Variants in SCAPER observed in about 807,000 individuals in gnomAD.
The protein encoded by SCAPER is S-phase cyclin A associated protein in the ER, also known as S phase cyclin A-associated protein in the endoplasmic reticulum.
SCAPER carries 98 observed loss-of-function variants against 182.2 expected under a neutral mutation model. The ratio of observed to expected loss-of-function variants is 0.54; its 90% confidence interval spans 0.46 to 0.64. The LOEUF is 0.64. SCAPER is among the 30% of genes least tolerant of loss of function. SCAPER has a pLI of 0.00. For missense variants in SCAPER, 1,432 were observed against 1,690.0 expected, an observed-to-expected ratio of 0.85 and a Z score of 2.68; for synonymous variants, 605 against 564.6, an observed-to-expected ratio of 1.07 and a Z score of -1.01.
At chr15:76,861,947 C>T (rs897726741) in intron 3 of SCAPER, 2 of 152,190 alleles carry the variant, frequency 1.3e-5, no homozygotes, top group Non-Finnish European at 1.5e-5. Flanking sequence ...GGAGAAGTAC[C>T]GAGCTTAGGG....
rs376279472 is a variant in SCAPER, at chr15:76,841,894, G to A, written c.233C>T (p.Thr78Ile). 6.2e-7 allele frequency: 1 copy of A among 1,613,836 alleles called. No homozygotes were observed. The highest frequency in any genetic ancestry group is 8.5e-7 in the Non-Finnish European group (1 of 1,179,846). Reference protein sequence around the residue: ...AVDCKITSSTTGDKHFDKSPT... With the variant: ...AVDCKITSSTIGDKHFDKSPT... ...ACTTTTATCAAAGTGTTTATCTCCA[G>A]TCGTAGACGATGTTATTTTACAGTC... Residue 78 changes from threonine to isoleucine, a missense_variant, in exon 5 of 32, where the codon ACT (threonine) becomes ATT (isoleucine). By Grantham distance (89) the Thr-to-Ile change is moderately conservative. Transcript: ENST00000563290.
At chr15:76,755,312 T>C (rs1156643525) in intron 14 of SCAPER, among the ~76,000 whole-genome samples, 2 of 152,066 alleles carry the variant, frequency 1.3e-5, no homozygotes, top group African/African-American at 2.4e-5. Flanking sequence ...AAAAGAAAAA[T>C]CAAAGAATTT....
At chr15:76,361,045 G>A (rs533433975) in intron 29 of SCAPER, among the ~76,000 whole-genome samples, 1 of 151,702 alleles carries the variant, frequency 6.6e-6, no homozygotes, top group African/African-American at 2.4e-5. Context: ...AAAGGAAAGT[G>A]GAGGTGGGAT....
At chr15:76,856,590 G>T (rs1489531380) in intron 4 of SCAPER, among the ~76,000 whole-genome samples, 1 of 151,334 alleles carries the variant, frequency 6.6e-6, no homozygotes, top group Non-Finnish European at 1.5e-5. Context: ...TGTGGGGATG[G>T]GGGATTCTTT....
chr15:76,429,917 T>C (rs1300277395), intron 26 of SCAPER, among the ~76,000 whole-genome samples: 3 of 152,118 alleles, frequency 2.0e-5, no homozygotes, highest in African/African-American at 7.2e-5. Flanking sequence ...ATCACAGACC[T>C]GGAGGCCTAG....
At chr15:76,836,701 G>C (rs891031279) in intron 5 of SCAPER, among the ~76,000 whole-genome samples, 3 of 151,854 alleles carry the variant, frequency 2.0e-5, no homozygotes, top group African/African-American at 7.3e-5. Context: ...GTGAAACCCC[G>C]TCTCTACTAA....
At chr15:76,412,809 G>T (rs2045385573) in intron 26 of SCAPER, among the ~76,000 whole-genome samples, 1 of 152,102 alleles carries the variant, frequency 6.6e-6, no homozygotes, top group South Asian at 2.1e-4. Context: ...ATTGCACAGA[G>T]TCTATAAATT....
At chr15:76,748,609 A>T (rs1386245940) in intron 15 of SCAPER, among the ~76,000 whole-genome samples, 2 of 151,410 alleles carry the variant, frequency 1.3e-5, no homozygotes, top group Non-Finnish European at 2.9e-5. Context: ...TTTCATAAGG[A>T]TCTAGTATCC....
At chr15:76,546,506 T>A (rs1034144411) in intron 23 of SCAPER, among the ~76,000 whole-genome samples, 2 of 152,068 alleles carry the variant, frequency 1.3e-5, no homozygotes, top group African/African-American at 4.8e-5. Flanking sequence ...TATTGTTTTT[T>A]AAAAAGAAAT....
intron 27 of SCAPER, among the ~76,000 whole-genome samples, chr15:76,401,603 G>A (rs1218266122): frequency 6.6e-6 from 1 of 152,032 alleles, no homozygotes; most frequent in Non-Finnish European, 1.5e-5. Context: ...GTAGCCCTTT[G>A]CACCTCCCAA....
intron 5 of SCAPER, among the ~76,000 whole-genome samples, chr15:76,821,914 T>C (rs1362078614): frequency 6.6e-6 from 1 of 152,022 alleles, no homozygotes; most frequent in Non-Finnish European, 1.5e-5. Flanking sequence ...AGAGGTTACA[T>C]ACTGTATGAT....
At chr15:76,619,203 C>G (rs1232004124) in intron 22 of SCAPER, among the ~76,000 whole-genome samples, 1 of 152,192 alleles carries the variant, frequency 6.6e-6, no homozygotes, top group East Asian at 1.9e-4. Flanking sequence ...AATGGAATCA[C>G]AGACTATGTA....
chr15:76,588,797 G>A (rs11072603), intron 22 of SCAPER, among the ~76,000 whole-genome samples: 1 of 151,096 alleles, frequency 6.6e-6, no homozygotes, highest in Non-Finnish European at 1.5e-5. Flanking sequence ...TGTGATTTTT[G>A]GGGGGGGTGT....
intron 29 of SCAPER, among the ~76,000 whole-genome samples, chr15:76,371,319 CTTTTTT>C: frequency 7.3e-6 from 1 of 137,494 alleles, no homozygotes; most frequent in Admixed American, 7.2e-5. Flanking sequence ...CTCTCTCTCT[CTTTTTT>C]TTTTTTTTTG....
In SCAPER at chr15:76,387,528, T is replaced by C. The variant is rs117860994; in HGVS notation, c.3468-5913A>G. Among the ~76,000 whole-genome samples, 1,008 of 152,222 alleles carry C rather than the reference T, an allele frequency of 6.6e-3. 7 individuals are homozygous for C. The highest frequency in any genetic ancestry group is 0.012 in the Non-Finnish European group (788 of 67,992). Reference sequence around the variant, plus strand: ...TTGGAAGCCATCAACACAGAGATGGTATTTAAAACTAGAAACTTATTCTAG... The same window carrying C: ...TTGGAAGCCATCAACACAGAGATGGCATTTAAAACTAGAAACTTATTCTAG... On this transcript the variant is annotated intron_variant, in intron 27 of 31. Transcript: ENST00000563290.
intron 1 of SCAPER, among the ~76,000 whole-genome samples, chr15:76,891,470 C>T (rs549837291): frequency 7.2e-5 from 11 of 152,274 alleles, no homozygotes; most frequent in African/African-American, 1.9e-4. Context: ...ACTTCAGTAA[C>T]GTCTCAGGAT....
At chr15:76,602,198 A>C (rs1471441100) in intron 22 of SCAPER, among the ~76,000 whole-genome samples, 3 of 121,894 alleles carry the variant, frequency 2.5e-5, no homozygotes, top group African/African-American at 7.5e-5. Context: ...ATCTATGTTT[A>C]TTCGTTCTTC....
At chr15:76,762,203 C>T (rs1450479610) in intron 14 of SCAPER, among the ~76,000 whole-genome samples, 1 of 151,998 alleles carries the variant, frequency 6.6e-6, no homozygotes, top group East Asian at 1.9e-4. Context: ...ATTCACTGAG[C>T]CACTCTATGC....
chr15:76,646,300 T>A (rs1355892067), intron 21 of SCAPER, among the ~76,000 whole-genome samples: 1 of 152,100 alleles, frequency 6.6e-6, no homozygotes, highest in Non-Finnish European at 1.5e-5. Context: ...TTCCTCTCTC[T>A]GCCCCATTTC....
Sources: allele counts gnomAD v4.1 joint callset (sites outside exome capture counted in the v4.1 genomes callset), GRCh38; gene constraint gnomAD v4.1.1; transcripts MANE v1.5; gene names NCBI Gene and HGNC (gene_info 2026-07-23, HGNC 2026-07-21).